Variants in TMEM161B observed in about 807,000 individuals in gnomAD.
TMEM161B encodes the protein transmembrane protein 161B.
In TMEM161B, 34 loss-of-function variants were observed where a neutral mutation model predicts 61.8. That is an observed-to-expected ratio of 0.55 (90% CI 0.42 to 0.73). The LOEUF (loss-of-function observed/expected upper bound fraction) is 0.73, where lower values mean the gene tolerates loss of function less well. TMEM161B is among the 30% of genes least tolerant of loss of function. The pLI, the probability that TMEM161B is intolerant of heterozygous loss-of-function variation, is 0.00. For synonymous variants in TMEM161B, 167 were observed against 192.8 expected (o/e 0.87, Z 1.11); for missense variants, 456 against 558.5 (o/e 0.82, Z 1.85).
chr5:88,206,916 C>A, intron 6 of TMEM161B, 113 bp downstream of exon 6: 1 of 896,530 alleles, frequency 1.1e-6, no homozygotes, highest in Non-Finnish European at 1.7e-6. Flanking sequence ...ACAGAGTATA[C>A]ACTTTAAATT....
chr5:88,241,068 T>C (rs1752652041), intron 1 of TMEM161B, 152 bp from the exon 2 acceptor site: 1 of 463,262 alleles, frequency 2.2e-6, no homozygotes, highest in Non-Finnish European at 3.8e-6. Context: ...ATCTGCAGGC[T>C]CCACAACTGC....
chr5:88,207,031 G>A lies in TMEM161B; in HGVS notation c.596C>T (p.Thr199Ile), dbSNP rs1475892997. The change falls in exon 6 of 12, where the codon ACA becomes ATA. Residue 199 changes from threonine (T) to isoleucine (I), a missense_variant and splice_region_variant. Physicochemically the swap from Thr to Ile is moderately conservative, Grantham distance 89. Coordinates refer to ENST00000296595, the MANE Select transcript of TMEM161B (RefSeq NM_153354.5). ...TENYLEFGLE[T>I]GFTNFSDSAM... The stretch of plus-strand genomic sequence containing the variant: ...TTAAAGTTGTATGAAACTATTACCT[G>A]TTTCAAGTCCAAATTCCAGATAATT... The A allele has an allele frequency of 1.2e-6, 2 of 1,610,936 alleles. No homozygotes were observed. The highest frequency in any genetic ancestry group is 1.7e-6 in the Non-Finnish European group (2 of 1,179,212).
intron 5 of TMEM161B, among the ~76,000 whole-genome samples, chr5:88,208,033 T>A (rs1385185866): frequency 6.6e-6 from 1 of 151,650 alleles, no homozygotes. Flanking sequence ...TTAAAAAACT[T>A]AAACAAACAA....
chr5:88,197,821 T>G (rs772815146), intron 10 of TMEM161B, 56 bp from the exon 11 acceptor site: 37 of 1,414,100 alleles, frequency 2.6e-5, no homozygotes, highest in Non-Finnish European at 3.5e-5. Context: ...AGGAGTGAAT[T>G]AAACTTTCAT....
intron 11 of TMEM161B, 125 bp from the exon 12 acceptor site, chr5:88,196,613 T>C (rs1433305482): frequency 9.9e-6 from 10 of 1,007,724 alleles, no homozygotes; most frequent in Non-Finnish European, 1.4e-5. Flanking sequence ...CATTTTATGT[T>C]AAAAATAAAG....
At chr5:88,250,700 G>A (rs1160451280) in intron 1 of TMEM161B, 1 of 152,176 alleles carries the variant, frequency 6.6e-6, no homozygotes, top group Non-Finnish European at 1.5e-5. Context: ...ACTGCAATTA[G>A]GCCCAAGCAC....
At position 88,205,967 on chromosome 5, in the gene TMEM161B, T is replaced by A. The variant is rs1193301440; in HGVS notation, c.660-13A>T. 7 of 1,558,818 alleles carry A rather than the reference T, an allele frequency of 4.5e-6. No individual in the cohort carries two copies. Among genetic ancestry groups the A allele is most frequent in the South Asian group, 1.2e-5 (1 of 83,006 alleles). On this transcript the variant is annotated splice_polypyrimidine_tract_variant and intron_variant, in intron 7 of 11. Transcript: ENST00000296595. Reference sequence around the variant, plus strand: ...TGAAACAGGACTCCTAAAAATAAAATTTTTTAAAAAGCTGATAAATTTTTA... The same window carrying A: ...TGAAACAGGACTCCTAAAAATAAAAATTTTTAAAAAGCTGATAAATTTTTA...
At chr5:88,245,501 C>T (rs966886120) in intron 1 of TMEM161B, among the ~76,000 whole-genome samples, 1 of 151,856 alleles carries the variant, frequency 6.6e-6, no homozygotes, top group Non-Finnish European at 1.5e-5. Flanking sequence ...GCAACATCAA[C>T]CTAGCTTTGA....
Position 88,268,760 on chromosome 5 carries a change from G to C in TMEM161B, c.-37C>G. On this transcript the variant is annotated 5_prime_UTR_variant, in exon 1 of 12. Transcript: ENST00000296595. ...TAGGTCGTGGACCAGACACCCTGGA[G>C]TTGCCGGGGCAGTCCCAAACCTCTT... 3 of 1,614,018 alleles carry C rather than the reference G, an allele frequency of 1.9e-6. No homozygotes were observed. Among genetic ancestry groups the C allele is most frequent in the Non-Finnish European group, 2.5e-6 (3 of 1,179,930 alleles).
chr5:88,258,446 A>C (rs1755275816), intron 1 of TMEM161B, among the ~76,000 whole-genome samples: 1 of 152,178 alleles, frequency 6.6e-6, no homozygotes, highest in Admixed American at 6.5e-5. Context: ...ATTTAAACAA[A>C]TAAAATTCTA....
chr5:88,256,645 A>G (rs1242122027), intron 1 of TMEM161B, among the ~76,000 whole-genome samples: 1 of 152,222 alleles, frequency 6.6e-6, no homozygotes, highest in African/African-American at 2.4e-5. Context: ...AATTGTGACC[A>G]CTAACTTAAG....
chr5:88,259,782 G>C (rs1019083007), intron 1 of TMEM161B, among the ~76,000 whole-genome samples: 1 of 152,086 alleles, frequency 6.6e-6, no homozygotes, highest in Non-Finnish European at 1.5e-5. Flanking sequence ...AACTAGGTTC[G>C]GGAAACATTT....
intron 1 of TMEM161B, among the ~76,000 whole-genome samples, chr5:88,262,355 G>C (rs1324258099): frequency 6.6e-6 from 1 of 152,036 alleles, no homozygotes; most frequent in East Asian, 1.9e-4. Flanking sequence ...GACAACTTGT[G>C]GTTTCTTACA....
intron 5 of TMEM161B, among the ~76,000 whole-genome samples, chr5:88,216,788 C>T (rs1022560635): frequency 6.6e-6 from 1 of 152,142 alleles, no homozygotes; most frequent in Non-Finnish European, 1.5e-5. Context: ...CTCATTCTCA[C>T]AATCTGACTA....
At chr5:88,214,109 AG>A (rs1388388229) in intron 5 of TMEM161B, among the ~76,000 whole-genome samples, 1 of 152,252 alleles carries the variant, frequency 6.6e-6, no homozygotes, top group Non-Finnish European at 1.5e-5. Flanking sequence ...ATCTACATAT[AG>A]AACTGATTAT....
At chr5:88,250,500 T>G (rs1295085008) in intron 1 of TMEM161B, among the ~76,000 whole-genome samples, 1 of 152,122 alleles carries the variant, frequency 6.6e-6, no homozygotes, top group Non-Finnish European at 1.5e-5. Context: ...AAAAGTGTTT[T>G]TCCAAACAAG....
At chr5:88,208,764 C>G (rs76854320) in intron 5 of TMEM161B, among the ~76,000 whole-genome samples, 3 of 152,288 alleles carry the variant, frequency 2.0e-5, no homozygotes, top group South Asian at 2.1e-4. Context: ...ACTAGACAGT[C>G]TGGATCTAGA....
chr5:88,195,360 T>C lies in TMEM161B; in HGVS notation c.*851A>G. ...CATCTTTTATAATCTCAATATATTA[T>C]ATATTTAATATATAATATATATACA... On this transcript the variant is annotated 3_prime_UTR_variant, in exon 12 of 12. Coordinates refer to ENST00000296595, the MANE Select transcript of TMEM161B (RefSeq NM_153354.5). 1 of 706,436 alleles carries C rather than the reference T, an allele frequency of 1.4e-6. No homozygotes were observed. The highest frequency in any genetic ancestry group is 1.7e-6 in the Non-Finnish European group (1 of 578,250). The allele number at this position is 706,436 out of a possible 1,614,324, so 43.8% of individuals were successfully genotyped here. A position where few individuals can be genotyped will look rare whatever the true frequency, so the allele number is the denominator to read the frequency against.
intron 11 of TMEM161B, 89 bp downstream of exon 11, chr5:88,197,580 A>G (rs376110975): frequency 9.4e-7 from 1 of 1,062,018 alleles, no homozygotes. Flanking sequence ...AACAATTTTA[A>G]GAGTTGCATT....
Sources: gnomAD v4.1 joint callset for allele counts (sites outside exome capture counted in the v4.1 genomes callset) on GRCh38, gnomAD v4.1.1 for gene constraint, MANE v1.5 for transcripts, NCBI Gene and HGNC (gene_info 2026-07-23, HGNC 2026-07-21) for gene names.